Variants in LDAH observed in about 807,000 individuals in gnomAD.
LDAH encodes the protein lipid droplet-associated hydrolase.
LDAH carries 26 observed loss-of-function variants against 29.6 expected under a neutral mutation model. The observed-to-expected ratio is 0.88, with a 90% CI of 0.64 to 1.22. The LOEUF (loss-of-function observed/expected upper bound fraction) is 1.22. Among genes scored for constraint, LDAH ranks in the 50% most tolerant of loss-of-function variants. LDAH has a pLI of 0.00. For synonymous variants in LDAH, 117 were observed against 133.0 expected (o/e 0.88, Z 0.83); for missense variants, 344 against 387.3 (o/e 0.89, Z 0.94).
chr2:20,763,404 A>G (rs1478302657), intron 4 of LDAH, among the ~76,000 whole-genome samples: 1 of 152,244 alleles, frequency 6.6e-6, no homozygotes, highest in Non-Finnish European at 1.5e-5. Flanking sequence ...ATGTACCAGA[A>G]TCACCTGCAG....
At chr2:20,782,261 A>G (rs1670245724) in intron 3 of LDAH, among the ~76,000 whole-genome samples, 1 of 152,222 alleles carries the variant, frequency 6.6e-6, no homozygotes, top group Non-Finnish European at 1.5e-5. Flanking sequence ...ATTTTGATGC[A>G]TGCCAAAGTT....
chr2:20,721,802 A>G (rs2149399620), intron 5 of LDAH, among the ~76,000 whole-genome samples: 1 of 152,350 alleles, frequency 6.6e-6, no homozygotes, highest in African/African-American at 2.4e-5. Context: ...TATATCCAAA[A>G]GAAAGGAAAT....
chr2:20,766,310 T>G (rs1669033494), intron 4 of LDAH, among the ~76,000 whole-genome samples: 1 of 152,220 alleles, frequency 6.6e-6, no homozygotes, highest in Non-Finnish European at 1.5e-5. Flanking sequence ...ACAGCCTCAT[T>G]GATGGCTGAC....
intron 4 of LDAH, among the ~76,000 whole-genome samples, chr2:20,766,298 TC>T (rs1669032192): frequency 6.6e-6 from 1 of 152,252 alleles, no homozygotes; most frequent in Non-Finnish European, 1.5e-5. Context: ...GGACTGTACT[TC>T]ACAGCCTCAT....
intron 4 of LDAH, among the ~76,000 whole-genome samples, chr2:20,750,023 C>CT (rs147397062): frequency 0.41 from 51,898 of 126,966 alleles, 11,478 homozygotes; most frequent in South Asian, 0.65. Context: ...CCTTACTAAA[C>CT]TTTTTTTTTT....
chr2:20,723,810 C>G (rs1454106407), intron 5 of LDAH, among the ~76,000 whole-genome samples: 2 of 152,070 alleles, frequency 1.3e-5, no homozygotes, highest in African/African-American at 4.8e-5. Flanking sequence ...GAATTTCAAG[C>G]ACTACAGTGA....
chr2:20,705,297 C>G (rs1664223538), intron 5 of LDAH, among the ~76,000 whole-genome samples: 1 of 152,166 alleles, frequency 6.6e-6, no homozygotes, highest in South Asian at 2.1e-4. Context: ...CTGCCCCTAT[C>G]CCATCTCCTT....
chr2:20,785,912 T>C (rs1045355655), intron 3 of LDAH, among the ~76,000 whole-genome samples: 7 of 152,214 alleles, frequency 4.6e-5, no homozygotes, highest in Admixed American at 6.5e-5. Context: ...CATCTGTTCT[T>C]GCATGCTGCT....
intron 3 of LDAH, among the ~76,000 whole-genome samples, chr2:20,775,993 C>T (rs113822638): frequency 1.3e-5 from 2 of 152,236 alleles, no homozygotes; most frequent in Admixed American, 6.5e-5. Flanking sequence ...TAATATTCTA[C>T]GAGTGTAGAA....
At chr2:20,701,796 G>A (rs1023286522) in intron 5 of LDAH, 144 bp from the exon 6 acceptor site, 14 of 679,968 alleles carry the variant, frequency 2.1e-5, no homozygotes, top group Non-Finnish European at 3.3e-5. Context: ...ACAGAGGAAT[G>A]TGAGTCAGGC....
chr2:20,746,287 C>G (rs1427077593), intron 4 of LDAH, among the ~76,000 whole-genome samples: 4 of 152,270 alleles, frequency 2.6e-5, no homozygotes, highest in Non-Finnish European at 5.9e-5. Context: ...TATAAACGAT[C>G]CTTTACTGTG....
rs562462983 is a variant in LDAH, at chr2:20,733,229, A to G, written c.703+6742T>C. Among the ~76,000 whole-genome samples, 100 of 151,808 alleles carry G rather than the reference A, an allele frequency of 6.6e-4. No individual in the cohort carries two copies. In the Middle Eastern group the frequency reaches 0.017, roughly 26 times the overall value. Reference sequence around the variant, plus strand: ...TTTTGATTCAGTTTTATTATTAATTATTAATAATTTTATTTTTTTTTGAGA... The same window carrying G: ...TTTTGATTCAGTTTTATTATTAATTGTTAATAATTTTATTTTTTTTTGAGA... On this transcript the variant is annotated intron_variant, in intron 5 of 6. Transcript: ENST00000237822.
At chr2:20,728,676 G>A (rs1265239550) in intron 5 of LDAH, among the ~76,000 whole-genome samples, 1 of 152,128 alleles carries the variant, frequency 6.6e-6, no homozygotes, top group Non-Finnish European at 1.5e-5. Flanking sequence ...GGATCTAGAG[G>A]GAAGAGGCTG....
intron 4 of LDAH, among the ~76,000 whole-genome samples, chr2:20,765,160 G>A (rs537460804): frequency 4.9e-4 from 75 of 152,268 alleles, no homozygotes; most frequent in African/African-American, 1.8e-3. Flanking sequence ...AAGACAAATG[G>A]AAGGAAACCT....
rs16988064 is a variant in LDAH, at chr2:20,780,294, A to G, written c.299-5315T>C. 1.1e-3 allele frequency among the ~76,000 whole-genome samples: 173 copies of G among 152,296 alleles called. 5 individuals carry two copies. The East Asian group carries it at 0.031, about 27-fold the overall frequency. On this transcript the variant is annotated intron_variant, in intron 3 of 6. Coordinates refer to ENST00000237822, the MANE Select transcript of LDAH (RefSeq NM_021925.4). ...AAACGGTGAAAACCACAGTCATCAAATTATGCTTTCCACTTGACTAAAACC... is the reference window on the plus strand; with the variant it reads ...AAACGGTGAAAACCACAGTCATCAAGTTATGCTTTCCACTTGACTAAAACC...
At chr2:20,755,858 T>C (rs1668303604) in intron 4 of LDAH, among the ~76,000 whole-genome samples, 2 of 152,114 alleles carry the variant, frequency 1.3e-5, no homozygotes, top group Non-Finnish European at 2.9e-5. Context: ...GTTAGATAAG[T>C]GGTTTGAAAA....
chr2:20,813,974 A>G (rs773841684), intron 1 of LDAH, among the ~76,000 whole-genome samples: 12 of 152,112 alleles, frequency 7.9e-5, no homozygotes, highest in Non-Finnish European at 1.8e-4. Context: ...CTGGGTTTCC[A>G]TATTTTACAT....
Position 20,740,076 on chromosome 2 carries a change from G to C in LDAH, c.598C>G (p.Pro200Ala). 1 of 1,614,088 alleles carries C rather than the reference G, an allele frequency of 6.2e-7. No homozygotes were observed. Among genetic ancestry groups the C allele is most frequent in the Non-Finnish European group, 8.5e-7 (1 of 1,179,966 alleles). The change falls in exon 5 of 7, where the codon CCG becomes GCG. Residue 200 changes from proline (P) to alanine (A), a missense_variant. By Grantham distance (27) the Pro-to-Ala change is conservative. Coordinates refer to ENST00000237822, the MANE Select transcript of LDAH (RefSeq NM_021925.4). ...AAGGACTTGATTGTCTCAGGACACG[G>C]TTTCAATAATAAGTAGCCAGTAACA... ...LYVTGYLLLK[P>A]CPETIKSLLI...
chr2:20,814,598 C>G (rs1672727955), intron 1 of LDAH, among the ~76,000 whole-genome samples: 1 of 152,076 alleles, frequency 6.6e-6, no homozygotes, highest in African/African-American at 2.4e-5. Flanking sequence ...GTAGCTGAGA[C>G]TATAGGCACA....
Sources: gnomAD v4.1 joint callset for allele counts (sites outside exome capture counted in the v4.1 genomes callset) on GRCh38, gnomAD v4.1.1 for gene constraint, MANE v1.5 for transcripts, NCBI Gene and HGNC (gene_info 2026-07-23, HGNC 2026-07-21) for gene names.